The following ATXN1 variants were observed in gnomAD, a reference collection of about 807,000 sequenced individuals.
ATXN1 encodes the protein ataxin-1.
ATXN1 carries 8 observed loss-of-function variants against 56.4 expected under a neutral mutation model. That is an observed-to-expected ratio of 0.14 (90% CI 0.08 to 0.26). The LOEUF is 0.26. Ranked by LOEUF, ATXN1 falls within the 10% of genes least tolerant of loss-of-function variation. ATXN1 has a pLI of 1.00. For synonymous variants in ATXN1, 514 were observed against 494.6 expected, an observed-to-expected ratio of 1.04 and a Z score of -0.52; for missense variants, 987 against 1,106.5, an observed-to-expected ratio of 0.89 and a Z score of 1.53.
chr6:16,380,218 A>G (rs1762223133), intron 6 of ATXN1, among the ~76,000 whole-genome samples: 1 of 152,176 alleles, frequency 6.6e-6, no homozygotes, highest in South Asian at 2.1e-4. Flanking sequence ...GGCTGAATAC[A>G]TGCATCTTTA....
At chr6:16,481,775 G>GTGCT (rs1298605599) in intron 6 of ATXN1, among the ~76,000 whole-genome samples, 2 of 152,038 alleles carry the variant, frequency 1.3e-5, no homozygotes, top group East Asian at 3.9e-4. Context: ...CCCCTTTCTA[G>GTGCT]GGAGATACAG....
chr6:16,515,878 C>CTA (rs1356294244), intron 5 of ATXN1, among the ~76,000 whole-genome samples: 86 of 152,262 alleles, frequency 5.6e-4, no homozygotes, highest in African/African-American at 2.0e-3. Context: ...GCATCCCAGA[C>CTA]AGGTTAACTT....
intron 6 of ATXN1, among the ~76,000 whole-genome samples, chr6:16,351,655 A>T (rs1417439327): frequency 6.6e-6 from 1 of 152,142 alleles, no homozygotes; most frequent in Admixed American, 6.5e-5. Flanking sequence ...TGCCTGTCTC[A>T]GCCTCCCAAA....
chr6:16,436,812 A>G (rs1003850879), intron 6 of ATXN1, among the ~76,000 whole-genome samples: 1 of 152,116 alleles, frequency 6.6e-6, no homozygotes, highest in African/African-American at 2.4e-5. Context: ...TTTTGATCAG[A>G]GGAGGTACAG....
chr6:16,405,317 C>T (rs1035897502), intron 6 of ATXN1, among the ~76,000 whole-genome samples: 2 of 152,178 alleles, frequency 1.3e-5, no homozygotes, highest in South Asian at 4.1e-4. Context: ...TTGCTACAAA[C>T]GACTACGTAG....
intron 2 of ATXN1, among the ~76,000 whole-genome samples, chr6:16,670,577 T>C (rs1758520048): frequency 6.6e-6 from 1 of 152,254 alleles, no homozygotes. Context: ...CTTCCGTTTT[T>C]ACTTGGCTCA....
intron 6 of ATXN1, among the ~76,000 whole-genome samples, chr6:16,447,518 C>A (rs758415117): frequency 6.6e-6 from 1 of 152,128 alleles, no homozygotes; most frequent in Non-Finnish European, 1.5e-5. Flanking sequence ...GCCACCACAC[C>A]CTGCCTATTT....
chr6:16,369,962 C>T (rs1762004770), intron 6 of ATXN1, among the ~76,000 whole-genome samples: 1 of 152,176 alleles, frequency 6.6e-6, no homozygotes, highest in African/African-American at 2.4e-5. Flanking sequence ...ACAACCTGGA[C>T]GTGCCTGGTG....
intron 2 of ATXN1, among the ~76,000 whole-genome samples, chr6:16,660,077 G>A (rs1758285594): frequency 6.6e-6 from 1 of 152,142 alleles, no homozygotes; most frequent in African/African-American, 2.4e-5. Flanking sequence ...ACAGCTATGA[G>A]GCAACTCTTA....
intron 3 of ATXN1, among the ~76,000 whole-genome samples, chr6:16,627,456 C>T (rs1763426391): frequency 6.6e-6 from 1 of 152,148 alleles, no homozygotes; most frequent in East Asian, 1.9e-4. Context: ...CGGCCAGGCG[C>T]GGTGGCTCAC....
chr6:16,634,954 T>C (rs955297891), intron 3 of ATXN1, among the ~76,000 whole-genome samples: 1 of 151,666 alleles, frequency 6.6e-6, no homozygotes, highest in African/African-American at 2.4e-5. Flanking sequence ...CACCAGTTGA[T>C]TATTAAGCTC....
chr6:16,667,889 C>T (rs569594237), intron 2 of ATXN1, among the ~76,000 whole-genome samples: 42 of 152,250 alleles, frequency 2.8e-4, no homozygotes, highest in African/African-American at 7.0e-4. Context: ...TTTCAATGCC[C>T]GGCTCAAGAC....
chr6:16,403,526 T>G (rs980982133), intron 6 of ATXN1, among the ~76,000 whole-genome samples: 3 of 152,196 alleles, frequency 2.0e-5, no homozygotes, highest in African/African-American at 7.2e-5. Context: ...AATTTTTGTA[T>G]TTTTAGTAGA....
At chr6:16,543,541 A>G (rs928550084) in intron 4 of ATXN1, among the ~76,000 whole-genome samples, 1 of 151,948 alleles carries the variant, frequency 6.6e-6, no homozygotes, top group South Asian at 2.1e-4. Context: ...TTGAACTCCT[A>G]AATATGCCTT....
intron 4 of ATXN1, among the ~76,000 whole-genome samples, chr6:16,547,041 G>A (rs1338740580): frequency 6.6e-6 from 1 of 152,210 alleles, no homozygotes; most frequent in South Asian, 2.1e-4. Flanking sequence ...CAAGCCCAAG[G>A]AAAGTGGGAA....
At chr6:16,707,742 G>T (rs867665876) in intron 2 of ATXN1, among the ~76,000 whole-genome samples, 2 of 152,076 alleles carry the variant, frequency 1.3e-5, no homozygotes, top group Admixed American at 1.3e-4. Flanking sequence ...GGTTATGAGT[G>T]GGGGAGTCAT....
chr6:16,505,213 C>G (rs930100378), intron 5 of ATXN1, among the ~76,000 whole-genome samples: 6 of 152,100 alleles, frequency 3.9e-5, no homozygotes, highest in East Asian at 1.9e-4. Context: ...CAGTCCTTGC[C>G]TGAAAGAAGA....
chr6:16,328,507 G>A lies in ATXN1; in HGVS notation c.-160-37C>T, dbSNP rs1274860855. On this transcript the variant is annotated intron_variant, in intron 6 of 7. Transcript: ENST00000436367. The surrounding 1 kb of genome is among the most constrained non-coding windows in gnomAD (Gnocchi z 6.2). ...AAGAGGGCAGTGACAAAGGGAAAAG[G>A]AAAGGGAGGAGAAAGGGAAGGAGGG... 3 of 1,004,036 alleles carry A rather than the reference G, an allele frequency of 3.0e-6. No homozygotes were observed. The highest frequency in any genetic ancestry group is 3.9e-6 in the Non-Finnish European group (3 of 760,364). 62.2% of individuals were successfully genotyped at this position (1,004,036 alleles called of 1,614,324 possible).
intron 2 of ATXN1, among the ~76,000 whole-genome samples, chr6:16,719,845 A>G (rs1201264800): frequency 1.3e-5 from 2 of 152,224 alleles, no homozygotes; most frequent in African/African-American, 4.8e-5. Context: ...GAACCACCAG[A>G]GGATGACAGC....
Sources: allele counts gnomAD v4.1 joint callset (sites outside exome capture counted in the v4.1 genomes callset), GRCh38; gene constraint gnomAD v4.1.1; non-coding constraint Gnocchi (gnomAD v3.1); transcripts MANE v1.5; gene names NCBI Gene and HGNC (gene_info 2026-07-23, HGNC 2026-07-21).